Variants in TNFSF15 observed in about 807,000 individuals in gnomAD.
The protein encoded by TNFSF15 is tumor necrosis factor ligand superfamily member 15.
In TNFSF15, 15 loss-of-function variants were observed where a neutral mutation model predicts 26.4. The observed-to-expected ratio is 0.57, with a 90% confidence interval of 0.38 to 0.87. The LOEUF is 0.87. TNFSF15 is among the 40% of genes least tolerant of loss of function. TNFSF15 has a pLI of 0.00. For synonymous variants in TNFSF15, 116 were observed against 115.0 expected, an observed-to-expected ratio of 1.01 and a Z score of -0.06; for missense variants, 290 against 306.1, an observed-to-expected ratio of 0.95 and a Z score of 0.39.
chr9:114,787,680 A>G lies in TNFSF15; in HGVS notation c.*2772T>C, dbSNP rs1192602046. ...CCTCACTTTTGAAAACAGTGCACTA[A>G]TTTTTGCTATGGAGATAATGCCTTG... is the stretch of plus-strand genomic sequence containing the variant. On this transcript the variant is annotated 3_prime_UTR_variant, in exon 4 of 4. Coordinates refer to ENST00000374045, the MANE Select transcript of TNFSF15 (RefSeq NM_005118.4). 6.5e-6 allele frequency: 1 copy of G among 153,640 alleles called. No individual in the cohort carries two copies. Among genetic ancestry groups the G allele is most frequent in the Non-Finnish European group, 1.5e-5 (1 of 68,044 alleles). The allele number at this position is 153,640 out of a possible 1,614,324, so 9.5% of individuals were successfully genotyped here. A position where few individuals can be genotyped will look rare whatever the true frequency, so the allele number is the denominator to read the frequency against.
rs1174805942 is a variant in TNFSF15 at position 114,805,785 on chromosome 9, G to A, written c.210+18C>T. The A allele has an allele frequency of 1.9e-6, 3 of 1,610,606 alleles. No homozygotes were observed. Among genetic ancestry groups the A allele is most frequent in the Admixed American group, 3.3e-5 (2 of 59,978 alleles). On this transcript the variant is annotated intron_variant, in intron 1 of 3. Coordinates refer to ENST00000374045, the MANE Select transcript of TNFSF15 (RefSeq NM_005118.4). ...AGTCCACTGCTCCTCCCCAAGGTCA[G>A]AGTGCCATGTGGCTTACCTGGAACT...
chr9:114,800,363 G>A (rs1174348136), intron 1 of TNFSF15, among the ~76,000 whole-genome samples: 1 of 152,144 alleles, frequency 6.6e-6, no homozygotes, highest in African/African-American at 2.4e-5. Flanking sequence ...GGTACAGATA[G>A]GTGCCCTCAG....
chr9:114,804,878 T>G (rs1829797195), intron 1 of TNFSF15, among the ~76,000 whole-genome samples: 1 of 152,192 alleles, frequency 6.6e-6, no homozygotes, highest in Admixed American at 6.5e-5. Flanking sequence ...TTAAACCCAT[T>G]GAAAACCCAT....
In TNFSF15 at chr9:114,790,882, T is replaced by G. The variant is rs201333233; in HGVS notation, c.326A>C (p.His109Pro). The G allele has an allele frequency of 2.5e-6, 4 of 1,614,138 alleles. No homozygotes were observed. In the Admixed American group the frequency reaches 5.0e-5, roughly 20 times the overall value. The part of the protein sequence containing the change: ...LTVVRQTPTQ[H>P]FKNQFPALHW... ...CAGAGCTGGGAACTGATTTTTAAAG[T>G]GCTGTGTGGGAGTTTGTCTCACAAC... The change falls in exon 4 of 4, where the codon CAC (histidine) becomes CCC (proline). Residue 109 changes from histidine to proline, a missense_variant. This residue lies in a region of TNFSF15 where 179 missense variants were observed against 165.9 expected (regional missense o/e 1.08). Transcript: ENST00000374045.
chr9:114,791,729 C>CTGGTGATAGTATGGAATTTCTCTTGATT (rs952938522), intron 3 of TNFSF15: 2 of 167,074 alleles, frequency 1.2e-5, no homozygotes, highest in Non-Finnish European at 2.9e-5. Flanking sequence ...AGTTGGCCAA[C>CTGGTGATAGTATGGAATTTCTCTTGATT]TGGTGATAGT....
chr9:114,803,742 G>C (rs970251487), intron 1 of TNFSF15, among the ~76,000 whole-genome samples: 1 of 152,158 alleles, frequency 6.6e-6, no homozygotes, highest in Non-Finnish European at 1.5e-5. Context: ...TGCTGTTTTG[G>C]CAGTGACTGC....
At chr9:114,805,766 C>T (rs1829812377) in intron 1 of TNFSF15, 37 bp downstream of exon 1, 2 of 1,600,072 alleles carry the variant, frequency 1.2e-6, no homozygotes, top group Admixed American at 1.7e-5. Context: ...AGAGAGTCCA[C>T]TGCTCCTCCC....
At position 114,789,051 on chromosome 9, in the gene TNFSF15, C is replaced by G. The variant is rs557833869; in HGVS notation, c.*1401G>C. 33 of 152,294 alleles carry G rather than the reference C, an allele frequency of 2.2e-4. No individual in the cohort carries two copies. Among genetic ancestry groups the G allele is most frequent in the African/African-American group, 7.5e-4 (31 of 41,552 alleles). 9.4% of individuals were successfully genotyped at this position (152,294 alleles called of 1,614,324 possible). A position where few individuals can be genotyped will look rare whatever the true frequency, so the allele number is the denominator to read the frequency against. ...CTGCATATAAAGTTGCAAATCAAAC[C>G]TCAAAGATCTAGGTTAACTTCTTCA... On this transcript the variant is annotated 3_prime_UTR_variant, in exon 4 of 4. Transcript: ENST00000374045.
In TNFSF15 at chr9:114,788,800, T is replaced by C. The variant is rs1405893489; in HGVS notation, c.*1652A>G. ...GGAAACAAATGGGCAGATTCCTGCT[T>C]TGCAGACAAGTCAACAAAGGCTAGG... is the stretch of plus-strand genomic sequence containing the variant. On this transcript the variant is annotated 3_prime_UTR_variant, in exon 4 of 4. Transcript: ENST00000374045. 1 of 152,206 alleles carries C rather than the reference T, an allele frequency of 6.6e-6. No individual in the cohort carries two copies. Among genetic ancestry groups the C allele is most frequent in the Admixed American group, 6.5e-5 (1 of 15,284 alleles). The allele number at this position is 152,206 out of a possible 1,614,324, so 9.4% of individuals were successfully genotyped here.
intron 1 of TNFSF15, among the ~76,000 whole-genome samples, chr9:114,800,500 G>C (rs755896754): frequency 1.3e-5 from 2 of 152,210 alleles, no homozygotes; most frequent in Non-Finnish European, 2.9e-5. Flanking sequence ...AGACAACATA[G>C]TGATTAGGAG....
chr9:114,788,987 C>T lies in TNFSF15; in HGVS notation c.*1465G>A, dbSNP rs1359391125. The T allele has an allele frequency of 6.6e-6, 1 of 152,200 alleles. No homozygotes were observed. Among genetic ancestry groups the T allele is most frequent in the Non-Finnish European group, 1.5e-5 (1 of 68,042 alleles). 9.4% of individuals were successfully genotyped at this position (152,200 alleles called of 1,614,324 possible). ...TCATTAGCTAATCCCATATGTAAAT[C>T]CCTTTGAATATTTTAAGGGAAAATA... On this transcript the variant is annotated 3_prime_UTR_variant, in exon 4 of 4. Transcript: ENST00000374045.
At chr9:114,796,816 G>A (rs1441674132) in intron 1 of TNFSF15, among the ~76,000 whole-genome samples, 1 of 152,196 alleles carries the variant, frequency 6.6e-6, no homozygotes, top group Non-Finnish European at 1.5e-5. Context: ...AATACATTAT[G>A]TGCATTTGGC....
At chr9:114,793,495 G>A (rs774209994) in intron 2 of TNFSF15, 31 bp downstream of exon 2, 15 of 1,612,064 alleles carry the variant, frequency 9.3e-6, no homozygotes, top group South Asian at 7.7e-5. Flanking sequence ...TATTCCCCAC[G>A]AGGAAAGGCG....
chr9:114,793,429 T>C, intron 2 of TNFSF15, 97 bp downstream of exon 2: 1 of 1,433,170 alleles, frequency 7.0e-7, no homozygotes, highest in Non-Finnish European at 9.8e-7. Flanking sequence ...CTTAGCAACT[T>C]GTACTTAAAG....
At chr9:114,805,332 T>A (rs1829806099) in intron 1 of TNFSF15, among the ~76,000 whole-genome samples, 1 of 152,198 alleles carries the variant, frequency 6.6e-6, no homozygotes, top group Non-Finnish European at 1.5e-5. Context: ...TCTCGTCTCA[T>A]TAAAAAATCC....
intron 1 of TNFSF15, among the ~76,000 whole-genome samples, chr9:114,794,614 A>C (rs2131304180): frequency 6.6e-6 from 1 of 152,326 alleles, no homozygotes; most frequent in Non-Finnish European, 1.5e-5. Flanking sequence ...ATATGGAATC[A>C]ATCTGATCCA....
intron 1 of TNFSF15, among the ~76,000 whole-genome samples, chr9:114,801,246 G>T (rs1347123399): frequency 6.6e-6 from 1 of 152,186 alleles, no homozygotes; most frequent in Non-Finnish European, 1.5e-5. Flanking sequence ...ATGGAGGCCT[G>T]GTCTCAGGGC....
At position 114,785,746 on chromosome 9, in the gene TNFSF15, C is replaced by T. The variant is rs1354871920; in HGVS notation, c.*4706G>A. On this transcript the variant is annotated 3_prime_UTR_variant, in exon 4 of 4. Transcript: ENST00000374045. ...TGGGGAGCTACAGTAGAAGTCTCCTCCCACTTCCATGTTGTCCTACAGGTG... is the reference window on the plus strand; with the variant it reads ...TGGGGAGCTACAGTAGAAGTCTCCTTCCACTTCCATGTTGTCCTACAGGTG... 2.0e-5 allele frequency: 3 copies of T among 152,190 alleles called. No homozygotes were observed. The highest frequency in any genetic ancestry group is 7.2e-5 in the African/African-American group (3 of 41,434). The allele number at this position is 152,190 out of a possible 1,614,324, so 9.4% of individuals were successfully genotyped here.
At chr9:114,805,706 T>C in intron 1 of TNFSF15, 97 bp downstream of exon 1, 1 of 1,203,106 alleles carries the variant, frequency 8.3e-7, no homozygotes, top group Non-Finnish European at 1.2e-6. Flanking sequence ...ATGTGATACA[T>C]CAAGAAACTC....
Sources: allele counts gnomAD v4.1 joint callset (sites outside exome capture counted in the v4.1 genomes callset), GRCh38; gene constraint gnomAD v4.1.1; regional missense constraint gnomAD v4.1.1; transcripts MANE v1.5; gene names NCBI Gene and HGNC (gene_info 2026-07-23, HGNC 2026-07-21).